Variants in AKR1B15 observed in about 807,000 individuals in gnomAD.
AKR1B15 encodes the protein aldo-keto reductase family 1 member B15.
Under a neutral mutation model 38.5 loss-of-function variants are expected in AKR1B15, and 49 were observed. The observed-to-expected ratio is 1.27, with a 90% CI of 1.01 to 1.62. The LOEUF (loss-of-function observed/expected upper bound fraction) is 1.62. AKR1B15 is among the 40% of genes most tolerant of loss of function. The pLI is 0.00. For missense variants in AKR1B15, 411 were observed against 381.6 expected, an observed-to-expected ratio of 1.08 and a Z score of -0.64; for synonymous variants, 137 against 135.5, an observed-to-expected ratio of 1.01 and a Z score of -0.08.
rs1229341474 is a variant in AKR1B15, at chr7:134,575,506, CA to C, written c.603del (p.Lys201AsnfsTer4). 1.2e-5 allele frequency: 20 copies of C among 1,613,756 alleles called. No homozygotes were observed. The highest frequency in any genetic ancestry group is 1.7e-5 in the Non-Finnish European group (20 of 1,179,826). ...ACTTCCAGATCGAGAGGCTCTTGAA[CA>C]AACCTGGACTGAAATATAAACCAGT... ...NHFQIERLLN[K>X]PGLKYKPVTN... On this transcript the variant is annotated frameshift_variant, in exon 7 of 12. Coordinates refer to ENST00000457545, the MANE Select transcript of AKR1B15 (RefSeq NM_001080538.3). LOFTEE classifies it high-confidence loss of function.
intron 6 of AKR1B15, among the ~76,000 whole-genome samples, chr7:134,572,903 G>A (rs755675301): frequency 2.0e-5 from 3 of 152,274 alleles, no homozygotes; most frequent in East Asian, 1.9e-4. Context: ...ATGTAGTTGC[G>A]AGTTTGTATT....
At chr7:134,550,007 G>GT (rs1279487017) in intron 1 of AKR1B15, among the ~76,000 whole-genome samples, 2 of 152,050 alleles carry the variant, frequency 1.3e-5, no homozygotes, top group African/African-American at 4.8e-5. Context: ...ACATTCACCC[G>GT]TTTAGGATTT....
chr7:134,559,853 T>C (rs1017084733), intron 2 of AKR1B15, among the ~76,000 whole-genome samples: 27 of 152,320 alleles, frequency 1.8e-4, no homozygotes, highest in African/African-American at 6.5e-4. Flanking sequence ...CTCACGCCTG[T>C]AATCCCAGCA....
chr7:134,562,343 C>T (rs1470446683), intron 2 of AKR1B15, among the ~76,000 whole-genome samples: 3 of 152,170 alleles, frequency 2.0e-5, no homozygotes, highest in African/African-American at 7.2e-5. Flanking sequence ...AGCGTTGCTG[C>T]TGGGGGCTGG....
chr7:134,564,795 C>T (rs1291118080), intron 3 of AKR1B15, 26 bp downstream of exon 3: 1 of 635,804 alleles, frequency 1.6e-6, no homozygotes, highest in Non-Finnish European at 2.8e-6. Context: ...GGTCATCACC[C>T]AATTCCCAAC....
chr7:134,562,832 C>CTCTTTCTTTCTCTTTCTT lies in AKR1B15; in HGVS notation c.-22-1755_-22-1754insCTTTCTTTCTTTCTTTCT, dbSNP rs1794436824. Among the ~76,000 whole-genome samples, 4 of 122,694 alleles carry CTCTTTCTTTCTCTTTCTT rather than the reference C, an allele frequency of 3.3e-5. No individual in the cohort carries two copies. In the South Asian group the frequency reaches 1.2e-3, roughly 38 times the overall value. 80.5% of individuals were successfully genotyped at this position (122,694 alleles called of 152,430 possible). A position where few individuals can be genotyped will look rare whatever the true frequency, so the allele number is the denominator to read the frequency against. On this transcript the variant is annotated intron_variant, in intron 2 of 11. Transcript: ENST00000457545. ...CCTTCCTTTCTTCCTTCCTTCCTTT[C>CTCTTTCTTTCTCTTTCTT]TCTTTCTTTCTTTCTTTCTTTCTTT... is the stretch of plus-strand genomic sequence containing the variant.
chr7:134,574,963 C>G (rs1424314583), intron 6 of AKR1B15, among the ~76,000 whole-genome samples: 1 of 152,210 alleles, frequency 6.6e-6, no homozygotes. Context: ...TATGCTGCAG[C>G]CTCTTCCTGA....
chr7:134,553,506 T>C (rs10228520), intron 1 of AKR1B15, among the ~76,000 whole-genome samples: 80,201 of 152,042 alleles, frequency 0.53, 21,386 homozygotes, highest in African/African-American at 0.6. Flanking sequence ...AAGTTGTCTG[T>C]GAGCCATAGT....
At chr7:134,567,568 C>A (rs1055476537) in intron 3 of AKR1B15, among the ~76,000 whole-genome samples, 2 of 151,988 alleles carry the variant, frequency 1.3e-5, no homozygotes, top group Admixed American at 6.6e-5. Flanking sequence ...TTCCATTTTG[C>A]CGACAAGGTT....
intron 6 of AKR1B15, among the ~76,000 whole-genome samples, chr7:134,573,080 G>T (rs1176046406): frequency 6.6e-6 from 1 of 152,162 alleles, no homozygotes; most frequent in Non-Finnish European, 1.5e-5. Context: ...ACACAAGCTA[G>T]GGTGCAGTGA....
chr7:134,579,226 G>A (rs1263678778), intron 11 of AKR1B15, among the ~76,000 whole-genome samples: 1 of 152,132 alleles, frequency 6.6e-6, no homozygotes, highest in Non-Finnish European at 1.5e-5. Context: ...AGAGTGGATT[G>A]GGACAAGACT....
chr7:134,573,526 A>C, intron 6 of AKR1B15: 5 of 985,448 alleles, frequency 5.1e-6, no homozygotes, highest in Non-Finnish European at 6.0e-6. Flanking sequence ...TGAAACGAGC[A>C]TGCTTGAATA....
chr7:134,578,617 T>C (rs771445120), intron 11 of AKR1B15, among the ~76,000 whole-genome samples: 1 of 152,280 alleles, frequency 6.6e-6, no homozygotes, highest in Non-Finnish European at 1.5e-5. Flanking sequence ...TAGAATTGTC[T>C]GGCATTTATT....
At chr7:134,574,972 G>C (rs1196578513) in intron 6 of AKR1B15, among the ~76,000 whole-genome samples, 1 of 152,158 alleles carries the variant, frequency 6.6e-6, no homozygotes, top group African/African-American at 2.4e-5. Context: ...GCCTCTTCCT[G>C]ACTAACACAG....
At chr7:134,574,037 T>C (rs1046969944) in intron 6 of AKR1B15, among the ~76,000 whole-genome samples, 2 of 150,232 alleles carry the variant, frequency 1.3e-5, no homozygotes, top group Non-Finnish European at 3.0e-5. Flanking sequence ...GAGGCACACG[T>C]CACCGCATCC....
rs1794670616 is a variant in AKR1B15, at chr7:134,571,680, A to T, written c.512A>T (p.Glu171Val). The T allele has an allele frequency of 6.2e-7, 1 of 1,612,920 alleles. No individual in the cohort carries two copies. Among genetic ancestry groups the T allele is most frequent in the African/African-American group, 1.3e-5 (1 of 74,868 alleles). The change falls in exon 6 of 12, where the codon GAG (glutamate) becomes GTG (valine). Residue 171 changes from glutamate to valine, a missense_variant and splice_region_variant. Coordinates refer to ENST00000457545, the MANE Select transcript of AKR1B15 (RefSeq NM_001080538.3). ...AAAGGAACGTTCTTGGATGCCTGGGAGGTAGGTTCCAGCTTTGTCTAAGTG... is the reference window on the plus strand; with the variant it reads ...AAAGGAACGTTCTTGGATGCCTGGGTGGTAGGTTCCAGCTTTGTCTAAGTG... ...SGKGTFLDAW[E>V]AMEELVDEGL... is the part of the protein sequence containing the mutation.
intron 3 of AKR1B15, among the ~76,000 whole-genome samples, chr7:134,567,453 T>C (rs1794564063): frequency 6.6e-6 from 1 of 152,194 alleles, no homozygotes; most frequent in Admixed American, 6.5e-5. Context: ...CATTGTATAA[T>C]GGACGGCCTG....
intron 10 of AKR1B15, among the ~76,000 whole-genome samples, chr7:134,577,366 C>T (rs185013941): frequency 1.3e-5 from 2 of 152,264 alleles, no homozygotes; most frequent in Non-Finnish European, 2.9e-5. Flanking sequence ...TCCTGGCCTA[C>T]CTGCTCACCT....
At chr7:134,565,630 T>A in intron 3 of AKR1B15, 2 of 1,574,420 alleles carry the variant, frequency 1.3e-6, no homozygotes, top group Non-Finnish European at 1.7e-6. Context: ...CAGAAAAGCC[T>A]GGAGGTCGGG....
Sources: gnomAD v4.1 joint callset for allele counts (sites outside exome capture counted in the v4.1 genomes callset) on GRCh38, gnomAD v4.1.1 for gene constraint, MANE v1.5 for transcripts, NCBI Gene and HGNC (gene_info 2026-07-23, HGNC 2026-07-21) for gene names.